MBOAT4: variants seen among roughly 807,000 people sequenced by gnomAD.
MBOAT4 encodes the protein membrane-bound ghrelin O-acyltransferase MBOAT4.
Under a neutral mutation model 13.2 loss-of-function variants are expected in MBOAT4, and 11 were observed. The observed-to-expected ratio is 0.84, with a 90% CI of 0.53 to 1.38. The LOEUF (loss-of-function observed/expected upper bound fraction) is 1.38. Among genes scored for constraint, MBOAT4 ranks in the 40% most tolerant of loss-of-function variants. MBOAT4 has a pLI of 0.00. For missense variants in MBOAT4, 481 were observed against 527.2 expected (o/e 0.91, Z 0.86); for synonymous variants, 202 against 210.3 (o/e 0.96, Z 0.34).
intron 1 of MBOAT4, among the ~76,000 whole-genome samples, chr8:30,141,327 T>A (rs1208054841): frequency 6.6e-6 from 1 of 152,140 alleles, no homozygotes; most frequent in Admixed American, 6.5e-5. Context: ...TAAAACTGAA[T>A]GAAGGGGTCA....
rs865982440 is a variant in MBOAT4, at chr8:30,132,384, G to A, written c.867C>T (p.Asp289=). 4.5e-6 allele frequency: 7 copies of A among 1,551,652 alleles called. No individual in the cohort carries two copies. The highest frequency in any genetic ancestry group is 6.1e-6 in the Non-Finnish European group (7 of 1,147,020). ...TGTGGGTTCTTTCCAGGGTCCAGATGTCTGCATCGGGGACATATCCCTCCT... is the reference window on the plus strand; with the variant it reads ...TGTGGGTTCTTTCCAGGGTCCAGATATCTGCATCGGGGACATATCCCTCCT... ...PGEEGYVPDA[D]IWTLERTHRI... is the part of the protein sequence containing the mutation. Residue 289 remains aspartate, a synonymous_variant, in exon 3 of 3, where the codon GAC becomes GAT. Transcript: ENST00000320542.
At chr8:30,142,577 C>T (rs941220003) in intron 1 of MBOAT4, among the ~76,000 whole-genome samples, 1 of 152,136 alleles carries the variant, frequency 6.6e-6, no homozygotes, top group African/African-American at 2.4e-5. Flanking sequence ...GGGCAGGTCT[C>T]AAACTCCTGG....
intron 1 of MBOAT4, among the ~76,000 whole-genome samples, chr8:30,141,740 A>T (rs1803264409): frequency 6.6e-6 from 1 of 152,254 alleles, no homozygotes; most frequent in African/African-American, 2.4e-5. Flanking sequence ...AAAGAAGCCT[A>T]GGATTTCTCT....
intron 2 of MBOAT4, among the ~76,000 whole-genome samples, chr8:30,136,876 C>T (rs1361926994): frequency 6.6e-6 from 1 of 151,944 alleles, no homozygotes; most frequent in East Asian, 1.9e-4. Flanking sequence ...TTAGCAGAGA[C>T]GGGGTTTTGC....
At chr8:30,135,176 G>T (rs1209936776) in intron 2 of MBOAT4, among the ~76,000 whole-genome samples, 1 of 151,988 alleles carries the variant, frequency 6.6e-6, no homozygotes, top group Non-Finnish European at 1.5e-5. Context: ...ATAGGCGTGA[G>T]CCACTGTGCC....
At chr8:30,139,723 C>A (rs1243633255) in intron 1 of MBOAT4, among the ~76,000 whole-genome samples, 2 of 152,080 alleles carry the variant, frequency 1.3e-5, no homozygotes, top group African/African-American at 2.4e-5. Context: ...CTTTGGGAGG[C>A]CAAGGAGGGA....
chr8:30,144,396 A>G (rs149243969), intron 1 of MBOAT4, 87 bp downstream of exon 1: 32 of 967,462 alleles, frequency 3.3e-5, no homozygotes, highest in Non-Finnish European at 4.7e-5. Flanking sequence ...TCAGCCTCCC[A>G]AATTGCAGGG....
chr8:30,132,544 T>A lies in MBOAT4; in HGVS notation c.707A>T (p.Gln236Leu). 6.4e-7 allele frequency: 1 copy of A among 1,551,754 alleles called. No individual in the cohort carries two copies. Among genetic ancestry groups the A allele is most frequent in the Non-Finnish European group, 8.7e-7 (1 of 1,147,000 alleles). The change falls in exon 3 of 3, where the codon CAG (glutamine) becomes CTG (leucine). Residue 236 changes from glutamine (Q) to leucine (L), a missense_variant. Physicochemically the swap from Gln to Leu is moderately radical, Grantham distance 113. Coordinates refer to ENST00000320542, the MANE Select transcript of MBOAT4 (RefSeq NM_001100916.2). ...CACGACATAGATGCACTCGAATTGCTGGCAATCAGTCAGTCCCGCTCCTGC... is the reference window on the plus strand; with the variant it reads ...CACGACATAGATGCACTCGAATTGCAGGCAATCAGTCAGTCCCGCTCCTGC... ...VDAGAGLTDC[Q>L]QFECIYVVWT...
intron 2 of MBOAT4, among the ~76,000 whole-genome samples, chr8:30,135,424 G>A (rs970535952): frequency 1.3e-5 from 2 of 152,180 alleles, no homozygotes; most frequent in African/African-American, 2.4e-5. Context: ...GAAAAGATAG[G>A]AAGCTGAAGA....
chr8:30,132,751 C>T lies in MBOAT4; in HGVS notation c.500G>A (p.Ser167Asn), dbSNP rs1803053620. The change falls in exon 3 of 3, where the codon AGC becomes AAC. Residue 167 changes from serine (S) to asparagine (N), a missense_variant. Ser to Asn is a conservative substitution (Grantham distance 46). Coordinates refer to ENST00000320542, the MANE Select transcript of MBOAT4 (RefSeq NM_001100916.2). ...EHVCKALPYF[S>N]YLLFFPALLG... ...GAGAGCAGGGAAAAAGAGCAAGTAG[C>T]TGAAATAGGGCAGTGCCTTACACAC... 6.4e-7 allele frequency: 1 copy of T among 1,551,740 alleles called. No individual in the cohort carries two copies. Among genetic ancestry groups the T allele is most frequent in the East Asian group, 2.4e-5 (1 of 40,918 alleles).
Position 30,132,062 on chromosome 8 carries a change from C to A in MBOAT4, c.1189G>T (p.Val397Leu). 1 of 1,551,800 alleles carries A rather than the reference C, an allele frequency of 6.4e-7. No homozygotes were observed. The highest frequency in any genetic ancestry group is 8.7e-7 in the Non-Finnish European group (1 of 1,147,022). Reference protein sequence around the residue: ...QLIIAYIMLAVEVRSLSSLWL... With the variant: ...QLIIAYIMLALEVRSLSSLWL... ...AGAGAGGAGAGACTCCTGACCTCCACAGCCAGCATGATGTAGGCAATGATC... is the reference window on the plus strand; with the variant it reads ...AGAGAGGAGAGACTCCTGACCTCCAAAGCCAGCATGATGTAGGCAATGATC... Residue 397 changes from valine (V) to leucine (L), a missense_variant, in exon 3 of 3, where the codon GTG becomes TTG. Transcript: ENST00000320542.
intron 1 of MBOAT4, among the ~76,000 whole-genome samples, chr8:30,140,111 A>G (rs952746550): frequency 8.5e-5 from 13 of 152,120 alleles, no homozygotes; most frequent in African/African-American, 2.9e-4. Flanking sequence ...GATGTTGCTC[A>G]CTGCAACCTC....
At chr8:30,139,227 G>T (rs1318764833) in intron 1 of MBOAT4, among the ~76,000 whole-genome samples, 2 of 151,732 alleles carry the variant, frequency 1.3e-5, no homozygotes, top group African/African-American at 4.8e-5. Context: ...TCCTACAATT[G>T]CAGGCATGAG....
At chr8:30,133,586 G>T (rs560381979) in intron 2 of MBOAT4, among the ~76,000 whole-genome samples, 2 of 152,152 alleles carry the variant, frequency 1.3e-5, no homozygotes, top group East Asian at 1.9e-4. Flanking sequence ...ACAGCTGAAG[G>T]TTCTTGAATT....
At chr8:30,142,133 ACTT>A (rs1404680102) in intron 1 of MBOAT4, among the ~76,000 whole-genome samples, 1 of 152,232 alleles carries the variant, frequency 6.6e-6, no homozygotes, top group Non-Finnish European at 1.5e-5. Flanking sequence ...GCAATGTGTG[ACTT>A]AGCGATTGCA....
At chr8:30,136,725 C>A (rs866016340) in intron 2 of MBOAT4, among the ~76,000 whole-genome samples, 2 of 147,776 alleles carry the variant, frequency 1.4e-5, no homozygotes, top group African/African-American at 5.3e-5. Flanking sequence ...GTCTCTCCCC[C>A]CGAACTTTTT....
At chr8:30,139,246 CT>C (rs1473957210) in intron 1 of MBOAT4, among the ~76,000 whole-genome samples, 19 of 151,924 alleles carry the variant, frequency 1.3e-4, no homozygotes, top group African/African-American at 4.6e-4. Flanking sequence ...AGCCACCCCC[CT>C]GGCCTGGAGA....
In MBOAT4 at chr8:30,132,526, T is replaced by A. The variant is rs762897669; in HGVS notation, c.725A>T (p.Tyr242Phe). ...LTDCQQFECI[Y>F]VVWTTAGLFK... ...AAGCCCAGCTGTGGTCCACACGACA[T>A]AGATGCACTCGAATTGCTGGCAATC... Residue 242 changes from tyrosine (Y) to phenylalanine (F), a missense_variant, in exon 3 of 3, where the codon TAT becomes TTT. By Grantham distance (22) the Tyr-to-Phe change is conservative. Coordinates refer to ENST00000320542, the MANE Select transcript of MBOAT4 (RefSeq NM_001100916.2). The A allele has an allele frequency of 6.4e-7, 1 of 1,551,722 alleles. No homozygotes were observed. The highest frequency in any genetic ancestry group is 1.2e-5 in the South Asian group (1 of 84,060).
chr8:30,137,374 T>C (rs776812957), intron 2 of MBOAT4: 133 of 1,551,554 alleles, frequency 8.6e-5, no homozygotes, highest in Middle Eastern at 1.7e-4. Context: ...CATGAGAAGA[T>C]TGTTACCTGC....
Sources: gnomAD v4.1 joint callset for allele counts (sites outside exome capture counted in the v4.1 genomes callset) on GRCh38, gnomAD v4.1.1 for gene constraint, MANE v1.5 for transcripts, NCBI Gene and HGNC (gene_info 2026-07-23, HGNC 2026-07-21) for gene names.